PRMT1: variants seen among roughly 807,000 people sequenced by gnomAD.
The protein encoded by PRMT1 is protein arginine N-methyltransferase 1.
Under a neutral mutation model 47.4 loss-of-function variants are expected in PRMT1, and 5 were observed. The ratio of observed to expected loss-of-function variants is 0.11; its 90% confidence interval spans 0.06 to 0.22. PRMT1 has a LOEUF of 0.22. Among genes scored for constraint, PRMT1 ranks in the 10% least tolerant of loss-of-function variants. The pLI is 1.00. For synonymous variants in PRMT1, 227 were observed against 204.6 expected (o/e 1.11, Z -0.94); for missense variants, 249 against 518.4 (o/e 0.48, Z 5.05).
intron 1 of PRMT1, chr19:49,677,528 C>G: frequency 2.4e-6 from 1 of 409,320 alleles, no homozygotes. Context: ...AGCGGAGGGT[C>G]TTATCCCCCC....
chr19:49,683,363 T>C (rs2082149821), intron 5 of PRMT1, among the ~76,000 whole-genome samples: 1 of 152,098 alleles, frequency 6.6e-6, no homozygotes, highest in African/African-American at 2.4e-5. Context: ...GTGATCATGC[T>C]GTTACTTATT....
chr19:49,678,071 G>T (rs1307844931), intron 1 of PRMT1, among the ~76,000 whole-genome samples: 1 of 152,010 alleles, frequency 6.6e-6, no homozygotes, highest in Non-Finnish European at 1.5e-5. Context: ...AATAGGCGCC[G>T]TGCACCCCCT....
chr19:49,676,952 C>A, upstream of PRMT1: 1 of 293,966 alleles, frequency 3.4e-6, no homozygotes, highest in Non-Finnish European at 6.2e-6. Flanking sequence ...TGAGGCGGTG[C>A]TGGGTGTAAA....
intron 9 of PRMT1, 58 bp downstream of exon 9, chr19:49,686,301 A>G: frequency 6.6e-7 from 1 of 1,522,760 alleles, no homozygotes; most frequent in Non-Finnish European, 8.8e-7. Context: ...AGGCGCACCC[A>G]CGTAGTGGAG....
rs918394168 is a variant in PRMT1 at position 49,685,351 on chromosome 19, G to A, written c.759+314G>A. On this transcript the variant is annotated intron_variant, in intron 8 of 10. Coordinates refer to ENST00000454376, the MANE Select transcript of PRMT1 (RefSeq NM_001536.6). This position sits in a 1 kb window ranked among gnomAD's most constrained non-coding sequence, Gnocchi z 4.7. ...GCGATGAGCGGATGCACATGCACGC[G>A]GGCCACTGCAGAAGAGCACGGGGCC... 6.0e-5 allele frequency: 78 copies of A among 1,292,270 alleles called. No individual in the cohort carries two copies. The highest frequency in any genetic ancestry group is 2.3e-4 in the East Asian group (6 of 26,554). The allele number at this position is 1,292,270 out of a possible 1,614,324, so 80.1% of individuals were successfully genotyped here. A position where few individuals can be genotyped will look rare whatever the true frequency, so the allele number is the denominator to read the frequency against.
At position 49,685,878 on chromosome 19, in the gene PRMT1, G is replaced by C; in HGVS notation, c.760-215G>C. On this transcript the variant is annotated intron_variant, in intron 8 of 10. Coordinates refer to ENST00000454376, the MANE Select transcript of PRMT1 (RefSeq NM_001536.6). This position sits in a 1 kb window ranked among gnomAD's most constrained non-coding sequence, Gnocchi z 4.7. ...TGCCAGGTTTGGGTGTTGGAGAGGA[G>C]GGAGCAAGGAATCTGGGCTCGAACC... 7.2e-7 allele frequency: 1 copy of C among 1,397,442 alleles called. No individual in the cohort carries two copies. The highest frequency in any genetic ancestry group is 9.3e-7 in the Non-Finnish European group (1 of 1,077,870). 86.6% of individuals were successfully genotyped at this position (1,397,442 alleles called of 1,614,324 possible). A position where few individuals can be genotyped will look rare whatever the true frequency, so the allele number is the denominator to read the frequency against.
At chr19:49,682,280 G>C (rs754058377) in intron 5 of PRMT1, 21 bp downstream of exon 5, 11 of 1,610,892 alleles carry the variant, frequency 6.8e-6, no homozygotes, top group East Asian at 2.2e-5. Context: ...AAAGAGGATG[G>C]GTTTGTGGGA....
chr19:49,685,216 T>A lies in PRMT1; in HGVS notation c.759+179T>A, dbSNP rs2082187141. 1 of 1,523,852 alleles carries A rather than the reference T, an allele frequency of 6.6e-7. No individual in the cohort carries two copies. The highest frequency in any genetic ancestry group is 1.4e-5 in the African/African-American group (1 of 72,660). The allele number at this position is 1,523,852 out of a possible 1,614,324, so 94.4% of individuals were successfully genotyped here. On this transcript the variant is annotated intron_variant, in intron 8 of 10. Transcript: ENST00000454376. This position sits in a 1 kb window ranked among gnomAD's most constrained non-coding sequence, Gnocchi z 4.7. ...ACACTTCGTCCTTTAAATATCTTTG[T>A]GAGCGCTGCTGTGTGAGAACCATGC...
intron 10 of PRMT1, among the ~76,000 whole-genome samples, 163 bp downstream of exon 10, chr19:49,686,889 C>T (rs1162893414): frequency 6.6e-6 from 1 of 151,878 alleles, no homozygotes; most frequent in African/African-American, 2.4e-5. Flanking sequence ...CTGCCTATTC[C>T]CGGGTCCCCA....
Position 49,688,015 on chromosome 19 carries a change from G to A in PRMT1, c.1033-147G>A, listed in dbSNP as rs544116586. On this transcript the variant is annotated intron_variant, in intron 10 of 10. Transcript: ENST00000454376. The surrounding 1 kb of genome is among the most constrained non-coding windows in gnomAD (Gnocchi z 5.3). ...GTCCCTTGGCAGGGTCAGGGCAGCTGCTAGGGTGGGACCAGCAGTTGGGGT... is the reference window on the plus strand; with the variant it reads ...GTCCCTTGGCAGGGTCAGGGCAGCTACTAGGGTGGGACCAGCAGTTGGGGT... 260 of 754,206 alleles carry A rather than the reference G, an allele frequency of 3.4e-4. 1 individual carries two copies. In the African/African-American group the frequency reaches 4.0e-3, roughly 12 times the overall value. The allele number at this position is 754,206 out of a possible 1,614,324, so 46.7% of individuals were successfully genotyped here.
intron 1 of PRMT1, 37 bp downstream of exon 1, chr19:49,677,353 CT>C: frequency 7.3e-7 from 1 of 1,370,992 alleles, no homozygotes. Context: ...CGGGAGGCGG[CT>C]TTGGGTCGGT....
chr19:49,688,225 A>G lies in PRMT1; in HGVS notation c.1096A>G (p.Thr366Ala), dbSNP rs2082240993. 1.2e-6 allele frequency: 2 copies of G among 1,613,846 alleles called. No individual in the cohort carries two copies. Among genetic ancestry groups the G allele is most frequent in the Non-Finnish European group, 1.7e-6 (2 of 1,179,886 alleles). ...KGQLCELSCS[T>A]DYRMR ...CCAGCTGTGCGAGCTGTCCTGCTCC[A>G]CCGACTACCGGATGCGCTGAGGCCC... The change falls in exon 11 of 11, where the codon ACC (threonine) becomes GCC (alanine). Residue 366 changes from threonine (T) to alanine (A), a missense_variant. Thr to Ala is a moderately conservative substitution (Grantham distance 58, BLOSUM62 0). Coordinates refer to ENST00000454376, the MANE Select transcript of PRMT1 (RefSeq NM_001536.6). The surrounding 1 kb of genome is among the most constrained non-coding windows in gnomAD (Gnocchi z 5.3).
rs570976364 is a variant in PRMT1 at position 49,686,297 on chromosome 19, A to G, written c.910+54A>G. 1.2e-4 allele frequency: 178 copies of G among 1,529,652 alleles called. 1 individual carries two copies. In the African/African-American group the frequency reaches 1.9e-3, roughly 16 times the overall value. The allele number at this position is 1,529,652 out of a possible 1,614,324, so 94.8% of individuals were successfully genotyped here. A position where few individuals can be genotyped will look rare whatever the true frequency, so the allele number is the denominator to read the frequency against. ...CGTTCCCGAGCCAGGGCGGAGGCGC[A>G]CCCACGTAGTGGAGGGGGTGACAGA... On this transcript the variant is annotated intron_variant, in intron 9 of 10. Transcript: ENST00000454376.
In PRMT1 at chr19:49,684,724, C is replaced by G. The variant is rs781119049; in HGVS notation, c.556-30C>G. On this transcript the variant is annotated intron_variant, in intron 6 of 10. Transcript: ENST00000454376. This position sits in a 1 kb window ranked among gnomAD's most constrained non-coding sequence, Gnocchi z 6.2. ...CTCAGGGTAGTGTTGCCAGGCCCCA[C>G]CCTTCATGCCTCGCCCTGCCCCTCT... The G allele has an allele frequency of 1.8e-5, 28 of 1,546,066 alleles. 2 individuals are homozygous for G. In the South Asian group the frequency reaches 3.2e-4, roughly 18 times the overall value.
rs1404021339 is a variant in PRMT1 at position 49,688,194 on chromosome 19, C to T, written c.1065C>T (p.Phe355=). The T allele has an allele frequency of 3.7e-6, 6 of 1,614,028 alleles. No homozygotes were observed. Among genetic ancestry groups the T allele is most frequent in the Non-Finnish European group, 5.1e-6 (6 of 1,179,938 alleles). ...TGGACTTCACCATCGACCTGGACTT[C>T]AAGGGCCAGCTGTGCGAGCTGTCCT... ...RDLDFTIDLD[F]KGQLCELSCS... The change falls in exon 11 of 11, where the codon TTC becomes TTT. Residue 355 remains phenylalanine (F), a synonymous_variant. Transcript: ENST00000454376. This position sits in a 1 kb window ranked among gnomAD's most constrained non-coding sequence, Gnocchi z 5.3.
chr19:49,681,675 T>C lies in PRMT1; in HGVS notation c.193-235T>C, dbSNP rs530129516. On this transcript the variant is annotated intron_variant, in intron 3 of 10. Transcript: ENST00000454376. The surrounding 1 kb of genome is among the most constrained non-coding windows in gnomAD (Gnocchi z 4.4). ...ATCACTTGAACCCAGGAGGCGGAGG[T>C]TGCAGTGAGCTGAGATTGCACCATT... Among the ~76,000 whole-genome samples the C allele has an allele frequency of 6.7e-6, 1 of 149,880 alleles. No individual in the cohort carries two copies. Among genetic ancestry groups the C allele is most frequent in the South Asian group, 2.1e-4 (1 of 4,698 alleles).
upstream of PRMT1, chr19:49,677,251 C>A (rs746446644): frequency 3.5e-6 from 5 of 1,415,568 alleles, no homozygotes; most frequent in African/African-American, 5.9e-5. Flanking sequence ...GGGGTCTTGG[C>A]GGCCGGAGGA....
chr19:49,688,405 G>GT lies in PRMT1; in HGVS notation c.*165dup. ...CGTGACTGTGTTTTTCATAACTTAT[G>GT]TTTTTATATGGTTGCATTTACGCCA... On this transcript the variant is annotated 3_prime_UTR_variant, in exon 11 of 11. Transcript: ENST00000454376. This position sits in a 1 kb window ranked among gnomAD's most constrained non-coding sequence, Gnocchi z 5.3. The GT allele has an allele frequency of 3.0e-6, 2 of 658,536 alleles. No homozygotes were observed. Among genetic ancestry groups the GT allele is most frequent in the Middle Eastern group, 3.9e-4 (1 of 2,542 alleles). The allele number at this position is 658,536 out of a possible 1,614,324, so 40.8% of individuals were successfully genotyped here. A position where few individuals can be genotyped will look rare whatever the true frequency, so the allele number is the denominator to read the frequency against.
At position 49,684,201 on chromosome 19, in the gene PRMT1, C is replaced by T. The variant is rs2082169186; in HGVS notation, c.555+132C>T. The T allele has an allele frequency of 2.3e-6, 3 of 1,298,302 alleles. No homozygotes were observed. Among genetic ancestry groups the T allele is most frequent in the Non-Finnish European group, 3.2e-6 (3 of 931,664 alleles). 80.4% of individuals were successfully genotyped at this position (1,298,302 alleles called of 1,614,324 possible). A position where few individuals can be genotyped will look rare whatever the true frequency, so the allele number is the denominator to read the frequency against. On this transcript the variant is annotated intron_variant, in intron 6 of 10. Transcript: ENST00000454376. This position sits in a 1 kb window ranked among gnomAD's most constrained non-coding sequence, Gnocchi z 6.2. ...GCTGCAAGGTGTTAGAAAGCCACAG[C>T]CCAAGCCAGGTGTGACAGACCCTGG...
Sources: gnomAD v4.1 joint callset for allele counts (sites outside exome capture counted in the v4.1 genomes callset) on GRCh38, gnomAD v4.1.1 for gene constraint, Gnocchi (gnomAD v3.1) non-coding constraint, MANE v1.5 for transcripts, NCBI Gene and HGNC (gene_info 2026-07-23, HGNC 2026-07-21) for gene names.